Variants in HHAT observed in about 807,000 individuals in gnomAD.
The protein encoded by HHAT is protein-cysteine N-palmitoyltransferase HHAT.
A neutral mutation model predicts 70.8 loss-of-function variants in HHAT; 47 were observed. The ratio of observed to expected loss-of-function variants is 0.66; its 90% CI spans 0.53 to 0.85. HHAT has a LOEUF of 0.85. Among genes scored for constraint, HHAT ranks in the 40% least tolerant of loss-of-function variants. The pLI, the probability that HHAT is intolerant of heterozygous loss-of-function variation, is 0.00. For missense variants in HHAT, 609 were observed against 604.8 expected (o/e 1.01, Z -0.07); for synonymous variants, 228 against 247.6 (o/e 0.92, Z 0.74).
intron 4 of HHAT, among the ~76,000 whole-genome samples, chr1:210,390,357 A>G (rs1168923923): frequency 6.6e-6 from 1 of 152,230 alleles, no homozygotes; most frequent in Non-Finnish European, 1.5e-5. Context: ...AGCAAAGAGC[A>G]TTACTAGTGA....
rs1442993260 is a variant in HHAT at position 210,478,102 on chromosome 1, T to C, written c.1007+13447T>C. Among the ~76,000 whole-genome samples the C allele has an allele frequency of 2.0e-5, 3 of 152,200 alleles. No homozygotes were observed. The East Asian group carries it at 5.8e-4, about 29-fold the overall frequency. On this transcript the variant is annotated intron_variant, in intron 8 of 11. Coordinates refer to ENST00000261458, the MANE Select transcript of HHAT (RefSeq NM_018194.6). Reference sequence around the variant, plus strand: ...GTTCCCCAGGATTTCTCAAGTGAGTTCCTACTACAGAGTGGGATGTGGTAT... The same window carrying C: ...GTTCCCCAGGATTTCTCAAGTGAGTCCCTACTACAGAGTGGGATGTGGTAT...
At chr1:210,444,297 C>T (rs61826931) in intron 7 of HHAT, among the ~76,000 whole-genome samples, 10,226 of 127,376 alleles carry the variant, frequency 0.08, 830 homozygotes, top group African/African-American at 0.13. Context: ...GGATATTGGT[C>T]TAAAATTCTC....
At chr1:210,394,999 G>A (rs1224469420) in intron 4 of HHAT, among the ~76,000 whole-genome samples, 1 of 148,466 alleles carries the variant, frequency 6.7e-6, no homozygotes, top group Non-Finnish European at 1.5e-5. Context: ...ATATACATAT[G>A]TATGTATATA....
intron 11 of HHAT, among the ~76,000 whole-genome samples, chr1:210,631,699 C>T (rs575766391): frequency 8.5e-5 from 13 of 152,166 alleles, no homozygotes; most frequent in South Asian, 2.1e-4. Flanking sequence ...CATGTAAGGG[C>T]GGCGCTGGAA....
chr1:210,543,085 A>G (rs1216675503), intron 9 of HHAT, among the ~76,000 whole-genome samples: 3 of 152,144 alleles, frequency 2.0e-5, no homozygotes, highest in African/African-American at 4.8e-5. Flanking sequence ...TGAAGCCTTT[A>G]TGGAACGTTA....
chr1:210,674,159 C>G lies in HHAT; in HGVS notation c.1391-129C>G, dbSNP rs1334907965. 19 of 714,164 alleles carry G rather than the reference C, an allele frequency of 2.7e-5. No individual in the cohort carries two copies. The East Asian group carries it at 3.5e-4, about 13-fold the overall frequency. 44.2% of individuals were successfully genotyped at this position (714,164 alleles called of 1,614,324 possible). A position where few individuals can be genotyped will look rare whatever the true frequency, so the allele number is the denominator to read the frequency against. ...GACTCAATTGCTGAAGTTGTCATTA[C>G]AGCAGACTTTCCTGGAGGCCTTTGT... On this transcript the variant is annotated intron_variant, in intron 11 of 11. Transcript: ENST00000261458.
In HHAT at chr1:210,430,786, T is replaced by A. The variant is rs11119493; in HGVS notation, c.856+12461T>A. Among the ~76,000 whole-genome samples, 446 of 151,972 alleles carry A rather than the reference T, an allele frequency of 2.9e-3. 14 individuals carry two copies. The highest frequency in any genetic ancestry group is 1.0e-2 in the African/African-American group (412 of 41,236). On this transcript the variant is annotated intron_variant, in intron 7 of 11. Coordinates refer to ENST00000261458, the MANE Select transcript of HHAT (RefSeq NM_018194.6). ...ACTGATTTGATATTTGGTTAAATTCTTCTAATTTTGAATTTGCTTTTTGTC... is the reference window on the plus strand; with the variant it reads ...ACTGATTTGATATTTGGTTAAATTCATCTAATTTTGAATTTGCTTTTTGTC...
rs149026676 is a variant in HHAT at position 210,400,506 on chromosome 1, C to G, written c.312C>G (p.Ala104=). Reference sequence around the variant, plus strand: ...TTCTCATGCTCTATGGGATGTGGGCCTGCTGGTGTGTGCTGGGGACCCCTG... The same window carrying G: ...TTCTCATGCTCTATGGGATGTGGGCGTGCTGGTGTGTGCTGGGGACCCCTG... ...PWILMLYGMW[A]CWCVLGTPGV... is the part of the protein sequence containing the mutation. Residue 104 remains alanine, a synonymous_variant, in exon 5 of 12, where the codon GCC becomes GCG. Transcript: ENST00000261458. 5.0e-6 allele frequency: 8 copies of G among 1,613,664 alleles called. No individual in the cohort carries two copies. In the African/African-American group the frequency reaches 9.3e-5, roughly 19 times the overall value.
chr1:210,355,016 T>G (rs1399108968), intron 2 of HHAT, among the ~76,000 whole-genome samples: 2 of 152,202 alleles, frequency 1.3e-5, no homozygotes, highest in African/African-American at 4.8e-5. Context: ...TAATGAAGGT[T>G]TGTGGTTGTC....
chr1:210,344,020 C>T (rs915039728), intron 1 of HHAT, among the ~76,000 whole-genome samples: 1 of 152,180 alleles, frequency 6.6e-6, no homozygotes, highest in East Asian at 1.9e-4. Flanking sequence ...CTACCCGTTT[C>T]CTTAACCAAT....
At chr1:210,526,833 G>C in intron 9 of HHAT, among the ~76,000 whole-genome samples, 1 of 152,064 alleles carries the variant, frequency 6.6e-6, no homozygotes, top group Non-Finnish European at 1.5e-5. Flanking sequence ...TTAAACTACT[G>C]AAATTCCATA....
intron 9 of HHAT, among the ~76,000 whole-genome samples, chr1:210,552,967 A>T (rs766907181): frequency 6.6e-6 from 1 of 152,194 alleles, no homozygotes; most frequent in Non-Finnish European, 1.5e-5. Flanking sequence ...TTCATCTCAC[A>T]TCCCCAGCCT....
intron 1 of HHAT, among the ~76,000 whole-genome samples, chr1:210,341,649 A>G (rs1280241573): frequency 2.6e-5 from 4 of 152,238 alleles, no homozygotes; most frequent in African/African-American, 9.6e-5. Flanking sequence ...AGTAGATGGC[A>G]TCTTTGAAAG....
chr1:210,588,859 T>C (rs946774149), intron 10 of HHAT: 18 of 152,170 alleles, frequency 1.2e-4, no homozygotes, highest in African/African-American at 4.3e-4. Context: ...TATAGTAGTA[T>C]AAAAAACAGC....
intron 9 of HHAT, among the ~76,000 whole-genome samples, chr1:210,541,648 A>T (rs1420558166): frequency 6.6e-6 from 1 of 152,120 alleles, no homozygotes; most frequent in African/African-American, 2.4e-5. Context: ...AATCACTTGA[A>T]CCCGGGAGGC....
chr1:210,341,287 C>A lies in HHAT; in HGVS notation c.-43-7646C>A, dbSNP rs373709474. ...TTATAGCCCATTTAGTGCTTGATAT[C>A]AAGATTTAAAAGCAGAAAAAATTTA... is the stretch of plus-strand genomic sequence containing the variant. On this transcript the variant is annotated intron_variant, in intron 1 of 11. Transcript: ENST00000261458. Among the ~76,000 whole-genome samples, 274 of 152,162 alleles carry A rather than the reference C, an allele frequency of 1.8e-3. 6 individuals carry two copies. The South Asian group carries it at 0.05, about 28-fold the overall frequency.
At chr1:210,435,344 A>G (rs965177501) in intron 7 of HHAT, among the ~76,000 whole-genome samples, 2 of 149,166 alleles carry the variant, frequency 1.3e-5, no homozygotes, top group South Asian at 4.3e-4. Context: ...CACTGTCTAT[A>G]TATTTCAATT....
chr1:210,574,590 G>C (rs1471498651), intron 9 of HHAT, among the ~76,000 whole-genome samples: 1 of 152,208 alleles, frequency 6.6e-6, no homozygotes, highest in Non-Finnish European at 1.5e-5. Flanking sequence ...GTCATCTGTT[G>C]ATTTTTGTTT....
intron 9 of HHAT, among the ~76,000 whole-genome samples, chr1:210,522,664 C>T (rs2095176974): frequency 6.6e-6 from 1 of 152,158 alleles, no homozygotes; most frequent in Non-Finnish European, 1.5e-5. Context: ...AACTGGGCTT[C>T]TTATCTCACA....
Sources: gnomAD v4.1 joint callset for allele counts (sites outside exome capture counted in the v4.1 genomes callset) on GRCh38, gnomAD v4.1.1 for gene constraint, MANE v1.5 for transcripts, NCBI Gene and HGNC (gene_info 2026-07-23, HGNC 2026-07-21) for gene names.